Variants in FNDC3A observed in about 807,000 individuals in gnomAD.
FNDC3A encodes the protein fibronectin type III domain containing 3A, also known as fibronectin type-III domain-containing protein 3A.
In FNDC3A, 32 loss-of-function variants were observed where a neutral mutation model predicts 148.9. That is an observed-to-expected ratio of 0.21 (90% CI 0.16 to 0.29). The LOEUF (loss-of-function observed/expected upper bound fraction) is 0.29. Among genes scored for constraint, FNDC3A ranks in the 10% least tolerant of loss-of-function variants. The pLI, the probability that FNDC3A is intolerant of heterozygous loss-of-function variation, is 1.00. For missense variants in FNDC3A, 1,191 were observed against 1,452.8 expected, an observed-to-expected ratio of 0.82 and a Z score of 2.93; for synonymous variants, 472 against 473.6, an observed-to-expected ratio of 1.00 and a Z score of 0.04.
intron 19 of FNDC3A, among the ~76,000 whole-genome samples, chr13:49,193,940 CAAA>C (rs541401392): frequency 6.6e-6 from 1 of 150,508 alleles, no homozygotes; most frequent in African/African-American, 2.4e-5. Context: ...CAATTAAAAA[CAAA>C]AAACTATTAA....
intron 2 of FNDC3A, among the ~76,000 whole-genome samples, chr13:49,009,548 TA>T (rs1339973411): frequency 1.3e-5 from 2 of 152,238 alleles, no homozygotes; most frequent in Non-Finnish European, 2.9e-5. Flanking sequence ...AACTGTCTTC[TA>T]AGGTGGCTGT....
At chr13:49,149,692 T>A (rs2137978304) in intron 8 of FNDC3A, among the ~76,000 whole-genome samples, 1 of 152,300 alleles carries the variant, frequency 6.6e-6, no homozygotes, top group South Asian at 2.1e-4. Flanking sequence ...GGTACCAGAG[T>A]GATGCTGTCC....
At chr13:49,125,068 A>G (rs1593625049) in intron 4 of FNDC3A, among the ~76,000 whole-genome samples, 2 of 152,154 alleles carry the variant, frequency 1.3e-5, no homozygotes, top group African/African-American at 2.4e-5. Context: ...TGTAGATCGC[A>G]TAGCGTGGGG....
chr13:49,048,330 G>A (rs1875573225), intron 2 of FNDC3A, among the ~76,000 whole-genome samples: 1 of 151,926 alleles, frequency 6.6e-6, no homozygotes, highest in African/African-American at 2.4e-5. Context: ...AAGAATGATG[G>A]TGGTATTTTG....
intron 2 of FNDC3A, among the ~76,000 whole-genome samples, chr13:49,047,733 T>C (rs1329049189): frequency 1.3e-5 from 2 of 152,220 alleles, no homozygotes; most frequent in Admixed American, 6.5e-5. Context: ...TTTCTCCCAC[T>C]CTGTGGGTTG....
chr13:49,112,990 C>A (rs1232784466), intron 3 of FNDC3A, among the ~76,000 whole-genome samples: 1 of 152,042 alleles, frequency 6.6e-6, no homozygotes, highest in African/African-American at 2.4e-5. Flanking sequence ...ACACTTCTTA[C>A]TTTCTCTCAA....
chr13:48,986,466 GCTCA>G (rs1951804717), intron 1 of FNDC3A, among the ~76,000 whole-genome samples: 1 of 129,634 alleles, frequency 7.7e-6, no homozygotes, highest in African/African-American at 3.0e-5. Flanking sequence ...CGTGATCTCG[GCTCA>G]CTGCAACCTC....
chr13:49,087,181 T>TAGTG (rs1878869186), intron 3 of FNDC3A, among the ~76,000 whole-genome samples: 1 of 152,250 alleles, frequency 6.6e-6, no homozygotes, highest in East Asian at 1.9e-4. Flanking sequence ...TAAGCCAGTT[T>TAGTG]AGTGAGTGCT....
intron 2 of FNDC3A, among the ~76,000 whole-genome samples, chr13:49,036,007 A>C (rs1446298214): frequency 6.6e-6 from 1 of 152,140 alleles, no homozygotes; most frequent in African/African-American, 2.4e-5. Flanking sequence ...GATCTAGCCA[A>C]GTATAGATAA....
At chr13:49,077,328 C>T (rs1010403190) in intron 3 of FNDC3A, among the ~76,000 whole-genome samples, 3 of 152,166 alleles carry the variant, frequency 2.0e-5, no homozygotes, top group African/African-American at 7.2e-5. Context: ...TATACTTTGT[C>T]ATCTTTCAAA....
Position 49,201,903 on chromosome 13 carries a change from G to A in FNDC3A, c.3091G>A (p.Glu1031Lys), listed in dbSNP as rs141268038. The change falls in exon 24 of 26, where the codon GAA (glutamate) becomes AAA (lysine). Residue 1031 changes from glutamate to lysine, a missense_variant. Transcript: ENST00000492622. ...FCIQACNEAGEGPLSQEYIFT... is the reference protein window; with the variant it reads ...FCIQACNEAGKGPLSQEYIFT... ...TATTCAAGCTTGTAATGAAGCTGGG[G>A]AAGGTCCCCTCTCCCAAGAATATAT... 46 of 1,595,374 alleles carry A rather than the reference G, an allele frequency of 2.9e-5. No homozygotes were observed. The highest frequency in any genetic ancestry group is 3.8e-5 in the Non-Finnish European group (44 of 1,170,654).
intron 3 of FNDC3A, among the ~76,000 whole-genome samples, chr13:49,107,327 A>G (rs1305426927): frequency 1.3e-5 from 2 of 152,198 alleles, no homozygotes; most frequent in African/African-American, 2.4e-5. Flanking sequence ...AGTTTGAGAA[A>G]AGAGTGGTAG....
chr13:49,092,821 C>T (rs1879273895), intron 3 of FNDC3A, among the ~76,000 whole-genome samples: 1 of 149,710 alleles, frequency 6.7e-6, no homozygotes, highest in Admixed American at 6.7e-5. Flanking sequence ...GCTTATATCT[C>T]TAATCTGGCA....
chr13:49,017,896 A>G (rs1872942273), intron 2 of FNDC3A, among the ~76,000 whole-genome samples: 1 of 152,116 alleles, frequency 6.6e-6, no homozygotes, highest in South Asian at 2.1e-4. Context: ...TCTGGGTTGA[A>G]AATTCTTTTC....
intron 4 of FNDC3A, among the ~76,000 whole-genome samples, chr13:49,126,393 T>C (rs1242987198): frequency 1.3e-5 from 2 of 152,192 alleles, no homozygotes; most frequent in African/African-American, 4.8e-5. Flanking sequence ...CCACCCTCCA[T>C]CCACAGAACT....
chr13:49,053,711 TGTAGATG>T lies in FNDC3A; in HGVS notation c.100-21577_100-21571del, dbSNP rs1488761440. ...GTTGTGGAGACCAGCGTTCTTATTATGTAGATGACGTCTCATATGCCTCCACCCCCAG... is the reference window on the plus strand; with the variant it reads ...GTTGTGGAGACCAGCGTTCTTATTATACGTCTCATATGCCTCCACCCCCAG... On this transcript the variant is annotated intron_variant, in intron 2 of 25. Coordinates refer to ENST00000492622, the MANE Select transcript of FNDC3A (RefSeq NM_001079673.2). 3.9e-5 allele frequency among the ~76,000 whole-genome samples: 6 copies of T among 152,278 alleles called. No individual in the cohort carries two copies. In the East Asian group the frequency reaches 9.6e-4, roughly 24 times the overall value.
At chr13:49,180,436 TAATG>T (rs922180653) in intron 14 of FNDC3A, among the ~76,000 whole-genome samples, 2 of 152,208 alleles carry the variant, frequency 1.3e-5, no homozygotes, top group African/African-American at 4.8e-5. Context: ...AAACTTATAA[TAATG>T]CTATGTCAAT....
intron 7 of FNDC3A, among the ~76,000 whole-genome samples, chr13:49,142,424 C>G (rs1882741100): frequency 6.6e-6 from 1 of 152,086 alleles, no homozygotes; most frequent in Admixed American, 6.6e-5. Context: ...TTCATTCTCC[C>G]CATGCTAGAT....
At chr13:49,073,801 T>C (rs1287248987) in intron 2 of FNDC3A, among the ~76,000 whole-genome samples, 1 of 146,466 alleles carries the variant, frequency 6.8e-6, no homozygotes, top group African/African-American at 2.5e-5. Context: ...TATATATATG[T>C]ATATATATTA....
Sources: gnomAD v4.1 joint callset for allele counts (sites outside exome capture counted in the v4.1 genomes callset) on GRCh38, gnomAD v4.1.1 for gene constraint, MANE v1.5 for transcripts, NCBI Gene and HGNC (gene_info 2026-07-23, HGNC 2026-07-21) for gene names.